XKR9: variants seen among roughly 807,000 people sequenced by gnomAD.
The protein encoded by XKR9 is XK-related protein 9.
Under a neutral mutation model 32.0 loss-of-function variants are expected in XKR9, and 32 were observed. The observed-to-expected ratio is 1.00, with a 90% CI of 0.76 to 1.34. XKR9 has a LOEUF of 1.34. Ranked by LOEUF, XKR9 falls within the 40% of genes most tolerant of loss-of-function variation. The probability of loss-of-function intolerance (pLI) is 0.00; values close to 1 mark genes in which losing one functional copy is unlikely to be tolerated. For missense variants in XKR9, 546 were observed against 429.7 expected (o/e 1.27, Z -2.39); for synonymous variants, 168 against 143.4 (o/e 1.17, Z -1.22).
the XKR9 span, among the ~76,000 whole-genome samples, chr8:71,017,976 G>T: frequency 1.3e-5 from 2 of 152,200 alleles, no homozygotes; most frequent in Non-Finnish European, 2.9e-5. Context: ...GAATTCAGAA[G>T]TTGGTAGTAT....
At chr8:70,861,629 C>G in the XKR9 span, among the ~76,000 whole-genome samples, 4 of 152,000 alleles carry the variant, frequency 2.6e-5, no homozygotes, top group South Asian at 8.3e-4. Context: ...GCACTCTGGC[C>G]TGGGCAACAG....
chr8:70,821,975 T>A, the XKR9 span, among the ~76,000 whole-genome samples: 1 of 152,220 alleles, frequency 6.6e-6, no homozygotes, highest in South Asian at 2.1e-4. Flanking sequence ...GAATGTCTCC[T>A]CAGAAAATGG....
the XKR9 span, among the ~76,000 whole-genome samples, chr8:70,948,644 C>A: frequency 6.6e-6 from 1 of 152,160 alleles, no homozygotes; most frequent in South Asian, 2.1e-4. Context: ...CATAACCGAG[C>A]CTGCCGGTCA....
intron 2 of XKR9, among the ~76,000 whole-genome samples, chr8:70,748,181 G>A (rs954589408): frequency 2.0e-5 from 3 of 152,246 alleles, no homozygotes; most frequent in African/African-American, 7.2e-5. Context: ...CGGGGGAGGT[G>A]TGGCTGGGGC....
intron 4 of XKR9, among the ~76,000 whole-genome samples, chr8:70,717,944 C>G (rs1806146495): frequency 6.6e-6 from 1 of 152,164 alleles, no homozygotes; most frequent in South Asian, 2.1e-4. Flanking sequence ...ATCTCTAGGA[C>G]AGGGGCAAAA....
the XKR9 span, among the ~76,000 whole-genome samples, chr8:70,855,412 G>A: frequency 2.0e-5 from 3 of 151,996 alleles, no homozygotes; most frequent in Non-Finnish European, 2.9e-5. Flanking sequence ...ATGAAGCAAG[G>A]AGAGAAGTTT....
chr8:70,768,311 A>G, intron 2 of XKR9, among the ~76,000 whole-genome samples: 1 of 152,044 alleles, frequency 6.6e-6, no homozygotes, highest in East Asian at 1.9e-4. Context: ...TCCATTTTTT[A>G]CATTTGCTGA....
chr8:70,818,897 G>A, the XKR9 span, among the ~76,000 whole-genome samples: 3 of 152,106 alleles, frequency 2.0e-5, no homozygotes, highest in Admixed American at 6.6e-5. Flanking sequence ...GCTCTGGAAC[G>A]GTGAGACAAA....
the XKR9 span, among the ~76,000 whole-genome samples, chr8:70,802,713 A>T: frequency 6.6e-6 from 1 of 152,230 alleles, no homozygotes; most frequent in Admixed American, 6.5e-5. Flanking sequence ...TCTGAAAAGG[A>T]TCTTATTTCT....
intron 3 of XKR9, among the ~76,000 whole-genome samples, chr8:70,692,768 C>T (rs6988495): frequency 0.33 from 50,091 of 151,570 alleles, 9,408 homozygotes; most frequent in Non-Finnish European, 0.43. Context: ...TCAGTAGAGA[C>T]GGGGTTTCAC....
intron 2 of XKR9, among the ~76,000 whole-genome samples, chr8:70,751,840 G>A (rs958688386): frequency 6.6e-6 from 1 of 152,106 alleles, no homozygotes; most frequent in Non-Finnish European, 1.5e-5. Flanking sequence ...TTTGAACTTG[G>A]ACTGAGCCAT....
intron 2 of XKR9, among the ~76,000 whole-genome samples, chr8:70,678,686 CT>C (rs1443107323): frequency 6.6e-6 from 1 of 152,068 alleles, no homozygotes; most frequent in East Asian, 1.9e-4. Flanking sequence ...AGTTTTTAAA[CT>C]GTTTTTTTCT....
At chr8:70,930,100 C>T in the XKR9 span, among the ~76,000 whole-genome samples, 3 of 152,090 alleles carry the variant, frequency 2.0e-5, no homozygotes, top group Non-Finnish European at 2.9e-5. Context: ...AATGTCATTG[C>T]TTTGGGTTTT....
chr8:70,848,165 A>C, the XKR9 span, among the ~76,000 whole-genome samples: 4 of 152,170 alleles, frequency 2.6e-5, no homozygotes, highest in African/African-American at 4.8e-5. Context: ...GGTTCAACAT[A>C]TGCAAATCAA....
the XKR9 span, among the ~76,000 whole-genome samples, chr8:71,002,262 G>A: frequency 1.3e-5 from 2 of 151,500 alleles, no homozygotes; most frequent in African/African-American, 2.4e-5. Flanking sequence ...TGGGGTTGAC[G>A]ATAGTCTATA....
the XKR9 span, among the ~76,000 whole-genome samples, chr8:70,941,665 T>C: frequency 6.6e-6 from 1 of 152,132 alleles, no homozygotes; most frequent in Non-Finnish European, 1.5e-5. Context: ...GTCTTAGGTA[T>C]TAAAACTAGA....
chr8:70,815,451 G>A, the XKR9 span, among the ~76,000 whole-genome samples: 1 of 152,040 alleles, frequency 6.6e-6, no homozygotes, highest in South Asian at 2.1e-4. Context: ...GCATTAGTTT[G>A]CTAAGGATAA....
chr8:70,770,734 A>G (rs760419430), intron 2 of XKR9, among the ~76,000 whole-genome samples: 1 of 152,128 alleles, frequency 6.6e-6, no homozygotes, highest in Non-Finnish European at 1.5e-5. Context: ...CTGCCTACTC[A>G]AGCCTCAGTA....
At chr8:70,716,760 G>C (rs1806107444) in intron 4 of XKR9, among the ~76,000 whole-genome samples, 1 of 152,020 alleles carries the variant, frequency 6.6e-6, no homozygotes, top group South Asian at 2.1e-4. Flanking sequence ...ACACAATCAT[G>C]CCCTTTCCAG....
Sources: allele counts gnomAD v4.1 joint callset (sites outside exome capture counted in the v4.1 genomes callset), GRCh38; gene constraint gnomAD v4.1.1; transcripts MANE v1.5; gene names NCBI Gene and HGNC (gene_info 2026-07-23, HGNC 2026-07-21).